Variants in STRADA observed in about 807,000 individuals in gnomAD.
The protein encoded by STRADA is STE20 related adaptor alpha, also known as STE20-related kinase adapter protein alpha.
In STRADA, 26 loss-of-function variants were observed where a neutral mutation model predicts 55.0. The observed-to-expected ratio is 0.47, with a 90% CI of 0.35 to 0.66. The LOEUF is 0.66. STRADA is among the 30% of genes least tolerant of loss of function. The pLI, the probability that STRADA is intolerant of heterozygous loss-of-function variation, is 0.01. For missense variants in STRADA, 443 were observed against 549.7 expected, an observed-to-expected ratio of 0.81 and a Z score of 1.94; for synonymous variants, 197 against 210.9, an observed-to-expected ratio of 0.93 and a Z score of 0.57.
chr17:63,713,006 A>AG, intron 6 of STRADA, among the ~76,000 whole-genome samples: 1 of 151,330 alleles, frequency 6.6e-6, no homozygotes, highest in African/African-American at 2.4e-5. Flanking sequence ...GTCTCAAAAA[A>AG]AAAAAAAAAG....
At chr17:63,727,459 TCTTA>T (rs938938659) in intron 2 of STRADA, 15 of 152,328 alleles carry the variant, frequency 9.8e-5, no homozygotes, top group African/African-American at 2.9e-4. Flanking sequence ...CCTTTTTTCC[TCTTA>T]ATTAACAGTG....
In STRADA at chr17:63,726,699, A is replaced by G. The variant is rs767709051; in HGVS notation, c.37-4T>C. The G allele has an allele frequency of 6.2e-6, 10 of 1,614,128 alleles. No individual in the cohort carries two copies. The South Asian group carries it at 1.1e-4, about 18-fold the overall frequency. On this transcript the variant is annotated splice_polypyrimidine_tract_variant and splice_region_variant and intron_variant, in intron 2 of 12. Coordinates refer to ENST00000336174, the MANE Select transcript of STRADA (RefSeq NM_001003787.4). ...TGAACTTTTCCGAGACCCACCGCTA[A>G]AGAGGAAAACCCCAAAGAGAATTAG... is the stretch of plus-strand genomic sequence containing the variant.
At chr17:63,717,323 T>C (rs531724319) in intron 4 of STRADA, among the ~76,000 whole-genome samples, 61 of 152,348 alleles carry the variant, frequency 4.0e-4, no homozygotes, top group African/African-American at 1.3e-3. Context: ...TTTATTTATT[T>C]TTGAGACGGA....
rs2036157759 is a variant in STRADA, at chr17:63,707,252, G to C, written c.748C>G (p.Gln250Glu). The C allele has an allele frequency of 6.2e-7, 1 of 1,614,158 alleles. No homozygotes were observed. The highest frequency in any genetic ancestry group is 1.3e-5 in the African/African-American group (1 of 75,064). Residue 250 changes from glutamine to glutamate, a missense_variant, in exon 9 of 13, where the codon CAG becomes GAG. Transcript: ENST00000336174. ...VLPWLSPEVL[Q>E]QNLQGYDAKS... ...CTCTGGGCCCACACACAGACCTGCT[G>C]GAGGACCTCGGGGCTGAGCCACGGC... is the stretch of plus-strand genomic sequence containing the variant.
intron 4 of STRADA, among the ~76,000 whole-genome samples, chr17:63,717,570 TC>T (rs1410523324): frequency 5.3e-5 from 8 of 152,172 alleles, no homozygotes; most frequent in African/African-American, 1.9e-4. Context: ...AACCTCTGCC[TC>T]CTGGGTTCAA....
chr17:63,738,060 G>A (rs1378110014), intron 1 of STRADA, among the ~76,000 whole-genome samples: 3 of 151,332 alleles, frequency 2.0e-5, no homozygotes, highest in Admixed American at 6.6e-5. Context: ...AGAAAAGAAG[G>A]GGCTGGGCAC....
chr17:63,707,326 T>C lies in STRADA; in HGVS notation c.674A>G (p.Gln225Arg). 1.2e-6 allele frequency: 2 copies of C among 1,614,224 alleles called. No homozygotes were observed. The highest frequency in any genetic ancestry group is 1.7e-6 in the Non-Finnish European group (2 of 1,180,038). The part of the protein sequence containing the change: ...RSNLSMISHG[Q>R]RQRVVHDFPK... Reference sequence around the variant, plus strand: ...AAAATCGTGGACCACTCGCTGCCGCTGCCCATGGCTTATCATGCTGAGGTT... The same window carrying C: ...AAAATCGTGGACCACTCGCTGCCGCCGCCCATGGCTTATCATGCTGAGGTT... The change falls in exon 9 of 13, where the codon CAG becomes CGG. Residue 225 changes from glutamine to arginine, a missense_variant. By Grantham distance (43) the Gln-to-Arg change is conservative. Transcript: ENST00000336174.
At position 63,713,456 on chromosome 17, in the gene STRADA, G is replaced by A. The variant is rs1173944088; in HGVS notation, c.298C>T (p.Arg100Trp). 3.1e-6 allele frequency: 5 copies of A among 1,614,030 alleles called. No individual in the cohort carries two copies. The highest frequency in any genetic ancestry group is 4.2e-6 in the Non-Finnish European group (5 of 1,179,988). The part of the protein sequence containing the change: ...YKPTGEYVTV[R>W]RINLEACSNE... ...GAACAAGCTTCTAGGTTAATCCTCC[G>A]TACAGTCACGTACTCTCCTGTTGGT... The change falls in exon 6 of 13, where the codon CGG (arginine) becomes TGG (tryptophan). Residue 100 changes from arginine to tryptophan, a missense_variant. Physicochemically the swap from Arg to Trp is moderately radical, Grantham distance 101. Coordinates refer to ENST00000336174, the MANE Select transcript of STRADA (RefSeq NM_001003787.4).
intron 8 of STRADA, among the ~76,000 whole-genome samples, chr17:63,707,941 G>A (rs1483985823): frequency 6.6e-6 from 1 of 151,104 alleles, no homozygotes; most frequent in African/African-American, 2.4e-5. Context: ...GTTTCACTGT[G>A]TTAGCCAGGA....
intron 4 of STRADA, among the ~76,000 whole-genome samples, chr17:63,722,513 G>A (rs1213596574): frequency 6.6e-6 from 1 of 152,248 alleles, no homozygotes; most frequent in Non-Finnish European, 1.5e-5. Flanking sequence ...TGATAGAGAG[G>A]TGCTCCTGAT....
chr17:63,710,854 G>C lies in STRADA; in HGVS notation c.349-18C>G. The C allele has an allele frequency of 1.2e-6, 2 of 1,611,570 alleles. No homozygotes were observed. Reference sequence around the variant, plus strand: ...AGCTCGCCCTGGAAGCAATGATGAAGCTGAAGTCAGAACCAAATGGCACTG... The same window carrying C: ...AGCTCGCCCTGGAAGCAATGATGAACCTGAAGTCAGAACCAAATGGCACTG... On this transcript the variant is annotated intron_variant, in intron 6 of 12. Coordinates refer to ENST00000336174, the MANE Select transcript of STRADA (RefSeq NM_001003787.4).
chr17:63,710,459 G>GT, intron 8 of STRADA, 32 bp downstream of exon 8: 1 of 1,612,312 alleles, frequency 6.2e-7, no homozygotes, highest in South Asian at 1.1e-5. Context: ...GCTACCCACT[G>GT]TAATCATGGG....
intron 1 of STRADA, among the ~76,000 whole-genome samples, chr17:63,732,766 G>A (rs919704435): frequency 1.3e-5 from 2 of 152,158 alleles, no homozygotes; most frequent in Non-Finnish European, 2.9e-5. Context: ...CTGCACTCCA[G>A]CCTAGGTAAC....
intron 6 of STRADA, 31 bp from the exon 7 acceptor site, chr17:63,710,867 C>A (rs1196449497): frequency 6.3e-7 from 1 of 1,596,778 alleles, no homozygotes; most frequent in Admixed American, 1.7e-5. Context: ...GAAGTCAGAA[C>A]CAAATGGCAC....
At chr17:63,715,919 A>G (rs1362299255) in intron 4 of STRADA, among the ~76,000 whole-genome samples, 2 of 152,050 alleles carry the variant, frequency 1.3e-5, no homozygotes, top group Non-Finnish European at 2.9e-5. Context: ...CAGTTCTGCT[A>G]TTATGGACTG....
intron 1 of STRADA, among the ~76,000 whole-genome samples, chr17:63,740,736 G>A (rs745393939): frequency 1.3e-5 from 2 of 152,086 alleles, no homozygotes; most frequent in Non-Finnish European, 2.9e-5. Context: ...CAAAGCCTGC[G>A]CTCTAAAAAC....
chr17:63,728,903 AT>A (rs758371854), intron 1 of STRADA, among the ~76,000 whole-genome samples: 3 of 148,772 alleles, frequency 2.0e-5, no homozygotes, highest in Non-Finnish European at 1.5e-5. Flanking sequence ...AAAAAAAAAA[AT>A]TTTAATTAAT....
At chr17:63,736,948 T>TA (rs1013923544) in intron 1 of STRADA, among the ~76,000 whole-genome samples, 18 of 150,458 alleles carry the variant, frequency 1.2e-4, no homozygotes, top group African/African-American at 4.2e-4. Context: ...TTAAATGTGT[T>TA]ACAATTTTTA....
Position 63,737,984 on chromosome 17 carries a change from CGAAAA to C in STRADA, c.-45+3752_-45+3756del, listed in dbSNP as rs377067793. On this transcript the variant is annotated intron_variant, in intron 1 of 12. Coordinates refer to ENST00000336174, the MANE Select transcript of STRADA (RefSeq NM_001003787.4). ...CTTGGGCAACACAGAGGGACCCCGT[CGAAAA>C]GAAAAGAAAAGAGAAGAGAAAAGAA... Among the ~76,000 whole-genome samples the C allele has an allele frequency of 1.4e-3, 201 of 146,510 alleles. 1 individual carries two copies. Among genetic ancestry groups the C allele is most frequent in the Middle Eastern group, 3.6e-3 (1 of 280 alleles).
Sources: allele counts gnomAD v4.1 joint callset (sites outside exome capture counted in the v4.1 genomes callset), GRCh38; gene constraint gnomAD v4.1.1; transcripts MANE v1.5; gene names NCBI Gene and HGNC (gene_info 2026-07-23, HGNC 2026-07-21).